The following CUX1 variants were observed in gnomAD, a reference collection of about 807,000 sequenced individuals.
The protein encoded by CUX1 is protein CASP.
A neutral mutation model predicts 158.8 loss-of-function variants in CUX1; 31 were observed. That is an observed-to-expected ratio of 0.20 (90% CI 0.15 to 0.26). The LOEUF is 0.26. CUX1 is among the 10% of genes least tolerant of loss of function. CUX1 has a pLI of 1.00. For missense variants in CUX1, 1,589 were observed against 2,014.6 expected (o/e 0.79, Z 4.04); for synonymous variants, 879 against 862.1 (o/e 1.02, Z -0.34).
intron 2 of CUX1, among the ~76,000 whole-genome samples, chr7:101,966,772 T>G (rs1007702328): frequency 2.6e-5 from 4 of 152,096 alleles, no homozygotes. Flanking sequence ...TCTCCCTATA[T>G]TCACCAAAAT....
intron 11 of CUX1, among the ~76,000 whole-genome samples, chr7:102,179,862 C>G (rs149862639): frequency 6.6e-6 from 1 of 152,200 alleles, no homozygotes; most frequent in East Asian, 1.9e-4. Flanking sequence ...TTCCCCAACC[C>G]GGTACCTCCA....
At chr7:102,277,811 G>T (rs1199363269) in intron 17 of CUX1, 2 of 473,964 alleles carry the variant, frequency 4.2e-6, no homozygotes, top group Middle Eastern at 5.6e-4. Flanking sequence ...GCCACAGTGG[G>T]GGAAGGGGCA....
At chr7:101,986,273 G>A (rs953519830) in intron 2 of CUX1, among the ~76,000 whole-genome samples, 1 of 152,234 alleles carries the variant, frequency 6.6e-6, no homozygotes, top group African/African-American at 2.4e-5. Context: ...CAGTAGGTCT[G>A]TCTCCCCTAA....
rs141068048 is a variant in CUX1 at position 101,841,136 on chromosome 7, G to A, written c.30+23467G>A. On this transcript the variant is annotated intron_variant, in intron 1 of 23. Transcript: ENST00000292535. Reference sequence around the variant, plus strand: ...TCTCGATCTCCTGACTTTGTGATCCGCCCGCCTCGGCCTCCCAAAGTGCTG... The same window carrying A: ...TCTCGATCTCCTGACTTTGTGATCCACCCGCCTCGGCCTCCCAAAGTGCTG... Among the ~76,000 whole-genome samples, 773 of 152,018 alleles carry A rather than the reference G, an allele frequency of 5.1e-3. 5 individuals carry two copies. The highest frequency in any genetic ancestry group is 7.3e-3 in the Non-Finnish European group (497 of 67,946).
chr7:102,116,944 C>T (rs868940340), intron 8 of CUX1, among the ~76,000 whole-genome samples: 14 of 152,142 alleles, frequency 9.2e-5, no homozygotes, highest in African/African-American at 2.7e-4. Flanking sequence ...CTCTGTGCCT[C>T]GCCCTGTGCA....
rs540813970 is a variant in CUX1, at chr7:102,275,225, G to C, written c.1451-22G>C. 7 of 1,573,362 alleles carry C rather than the reference G, an allele frequency of 4.4e-6. No individual in the cohort carries two copies. In the African/African-American group the frequency reaches 9.6e-5, roughly 22 times the overall value. On this transcript the variant is annotated intron_variant, in intron 16 of 22. Transcript: ENST00000292538. ...GGTTCCACCTCCTGCCACCCCCCAA[G>C]CCACCCTCCTCTACCTGCTAGGACC...
chr7:102,151,082 A>G (rs1202950334), intron 8 of CUX1, among the ~76,000 whole-genome samples: 1 of 152,232 alleles, frequency 6.6e-6, no homozygotes, highest in East Asian at 1.9e-4. Context: ...AATACTGTTG[A>G]CACTCACACC....
At chr7:102,227,705 G>C (rs200235982) in intron 21 of CUX1, 36 bp downstream of exon 21, 1 of 1,581,350 alleles carries the variant, frequency 6.3e-7, no homozygotes, top group African/African-American at 1.3e-5. Context: ...TCAGGAGGTG[G>C]CAGGGAGTTT....
chr7:101,921,682 G>C (rs1397591166), intron 2 of CUX1, among the ~76,000 whole-genome samples: 3 of 152,016 alleles, frequency 2.0e-5, no homozygotes, highest in Non-Finnish European at 2.9e-5. Context: ...GGCTGGTCTT[G>C]AACTCCTGAC....
chr7:102,138,157 C>T (rs1834089763), intron 8 of CUX1, among the ~76,000 whole-genome samples: 1 of 152,218 alleles, frequency 6.6e-6, no homozygotes, highest in African/African-American at 2.4e-5. Flanking sequence ...GCACCCCAGC[C>T]TGGGCAACAA....
chr7:101,950,391 C>T (rs1166420378), intron 2 of CUX1, among the ~76,000 whole-genome samples: 1 of 152,008 alleles, frequency 6.6e-6, no homozygotes, highest in Non-Finnish European at 1.5e-5. Context: ...ATTCAAATTT[C>T]ATTGCCCATA....
At chr7:102,135,937 A>G (rs1833853851) in intron 8 of CUX1, among the ~76,000 whole-genome samples, 1 of 151,894 alleles carries the variant, frequency 6.6e-6, no homozygotes, top group Non-Finnish European at 1.5e-5. Flanking sequence ...TCACGCCACC[A>G]CACACCAGCC....
intron 8 of CUX1, among the ~76,000 whole-genome samples, chr7:102,150,850 C>T (rs1292558424): frequency 6.6e-6 from 1 of 152,206 alleles, no homozygotes; most frequent in Non-Finnish European, 1.5e-5. Flanking sequence ...GAAGTCAGAG[C>T]TGAGCATAAT....
Position 102,250,402 on chromosome 7 carries a change from C to T in CUX1, c.*1360C>T. On this transcript the variant is annotated 3_prime_UTR_variant, in exon 24 of 24. Transcript: ENST00000292535. ...ACCACTCTCCTGGATACCTGATGAA[C>T]TGAGCCCTCCCAGGGGAAGACACTC... is the stretch of plus-strand genomic sequence containing the variant. The T allele has an allele frequency of 1.0e-6, 1 of 985,548 alleles. No homozygotes were observed. The highest frequency in any genetic ancestry group is 1.2e-6 in the Non-Finnish European group (1 of 830,006). The allele number at this position is 985,548 out of a possible 1,614,324, so 61.1% of individuals were successfully genotyped here. A position where few individuals can be genotyped will look rare whatever the true frequency, so the allele number is the denominator to read the frequency against.
chr7:101,923,285 G>A (rs753032577), intron 2 of CUX1, among the ~76,000 whole-genome samples: 5 of 152,346 alleles, frequency 3.3e-5, no homozygotes, highest in South Asian at 2.1e-4. Context: ...ATAAATGGTC[G>A]TCTGTGTTAG....
chr7:102,157,907 C>G (rs1789954155), intron 8 of CUX1, among the ~76,000 whole-genome samples: 1 of 152,130 alleles, frequency 6.6e-6, no homozygotes. Flanking sequence ...AAAGACAGAA[C>G]CTGGACAATT....
chr7:101,929,528 C>A (rs573989258), intron 2 of CUX1, among the ~76,000 whole-genome samples: 3 of 152,334 alleles, frequency 2.0e-5, no homozygotes, highest in Admixed American at 6.5e-5. Flanking sequence ...TGCCTCTTCT[C>A]AGCAAACAAC....
chr7:101,972,329 A>G (rs1812059493), intron 2 of CUX1, among the ~76,000 whole-genome samples: 1 of 152,232 alleles, frequency 6.6e-6, no homozygotes. Flanking sequence ...ACTGGTCATT[A>G]GAACCAGAGA....
At chr7:102,168,917 TCTTTTCTTTTCTTTTATTTTC>T (rs1791380818) in intron 9 of CUX1, among the ~76,000 whole-genome samples, 7 of 87,860 alleles carry the variant, frequency 8.0e-5, no homozygotes, top group African/African-American at 2.6e-4. Context: ...TCTTTTATTT[TCTTTTCTTTTCTTTTATTTTC>T]TTTTTTTTTT....
Sources: allele counts gnomAD v4.1 joint callset (sites outside exome capture counted in the v4.1 genomes callset), GRCh38; gene constraint gnomAD v4.1.1; transcripts MANE v1.5; gene names NCBI Gene and HGNC (gene_info 2026-07-23, HGNC 2026-07-21).